LYPLAL1: variants seen among roughly 807,000 people sequenced by gnomAD.
LYPLAL1 encodes lysophospholipase-like protein 1.
In LYPLAL1, 23 loss-of-function variants were observed where a neutral mutation model predicts 19.7. The ratio of observed to expected loss-of-function variants is 1.17; its 90% CI spans 0.84 to 1.65. LYPLAL1 has a LOEUF of 1.65. Ranked by LOEUF, LYPLAL1 falls within the 40% of genes most tolerant of loss-of-function variation. The probability of loss-of-function intolerance (pLI) is 0.00; values close to 1 mark genes in which losing one functional copy is unlikely to be tolerated. For synonymous variants in LYPLAL1, 119 were observed against 96.3 expected, an observed-to-expected ratio of 1.24 and a Z score of -1.38; for missense variants, 355 against 279.4, an observed-to-expected ratio of 1.27 and a Z score of -1.93.
At chr1:219,340,339 C>A in the LYPLAL1 span, among the ~76,000 whole-genome samples, 1 of 151,904 alleles carries the variant, frequency 6.6e-6, no homozygotes, top group South Asian at 2.1e-4. Context: ...TTGATTTAAC[C>A]CCAGGCTCAA....
At chr1:219,323,570 C>T in the LYPLAL1 span, among the ~76,000 whole-genome samples, 1 of 152,170 alleles carries the variant, frequency 6.6e-6, no homozygotes. Flanking sequence ...TGAGCTCTCT[C>T]CTTTGAAGCT....
chr1:219,310,822 G>C, the LYPLAL1 span, among the ~76,000 whole-genome samples: 1 of 152,210 alleles, frequency 6.6e-6, no homozygotes, highest in African/African-American at 2.4e-5. Flanking sequence ...TCCTGAATTA[G>C]CATCTCAGTT....
At chr1:219,355,705 A>G in the LYPLAL1 span, among the ~76,000 whole-genome samples, 1 of 152,244 alleles carries the variant, frequency 6.6e-6, no homozygotes, top group Non-Finnish European at 1.5e-5. Context: ...TCACCAAGAT[A>G]GACCATATGG....
At chr1:219,328,225 C>A in the LYPLAL1 span, among the ~76,000 whole-genome samples, 1 of 152,134 alleles carries the variant, frequency 6.6e-6, no homozygotes, top group South Asian at 2.1e-4. Flanking sequence ...TCTGGGTTGG[C>A]GATACTTCCG....
the LYPLAL1 span, among the ~76,000 whole-genome samples, chr1:219,334,896 C>T: frequency 6.6e-6 from 1 of 151,958 alleles, no homozygotes; most frequent in East Asian, 1.9e-4. Flanking sequence ...GCACAGAAAA[C>T]CTAATAAATG....
chr1:219,423,210 T>A, the LYPLAL1 span, among the ~76,000 whole-genome samples: 1 of 152,156 alleles, frequency 6.6e-6, no homozygotes, highest in Non-Finnish European at 1.5e-5. Flanking sequence ...ACCTTTCTTC[T>A]TCATACAGTG....
the LYPLAL1 span, among the ~76,000 whole-genome samples, chr1:219,390,023 A>G: frequency 6.6e-6 from 1 of 151,576 alleles, no homozygotes; most frequent in South Asian, 2.1e-4. Flanking sequence ...TCATCAGTAA[A>G]TTAGTATTGG....
the LYPLAL1 span, among the ~76,000 whole-genome samples, chr1:219,347,381 G>A: frequency 6.6e-5 from 10 of 152,082 alleles, no homozygotes; most frequent in Non-Finnish European, 1.5e-4. Flanking sequence ...TCATTAAAAA[G>A]TAGTCTTGAT....
the LYPLAL1 span, among the ~76,000 whole-genome samples, chr1:219,343,795 C>G: frequency 6.6e-6 from 1 of 152,144 alleles, no homozygotes; most frequent in Non-Finnish European, 1.5e-5. Flanking sequence ...CTCACCTTCT[C>G]TTTATAGAGC....
the LYPLAL1 span, among the ~76,000 whole-genome samples, chr1:219,387,027 T>C: frequency 6.6e-6 from 1 of 152,220 alleles, no homozygotes; most frequent in Non-Finnish European, 1.5e-5. Context: ...TTTAAATCTT[T>C]GATGACTGTT....
chr1:219,388,465 G>A, the LYPLAL1 span, among the ~76,000 whole-genome samples: 9 of 152,116 alleles, frequency 5.9e-5, no homozygotes, highest in Non-Finnish European at 1.2e-4. Context: ...CACAGGACTA[G>A]TAGAGTCTAA....
At chr1:219,353,433 G>C in the LYPLAL1 span, among the ~76,000 whole-genome samples, 1 of 152,218 alleles carries the variant, frequency 6.6e-6, no homozygotes, top group East Asian at 1.9e-4. Flanking sequence ...CTGTTGGGGA[G>C]CTCAGCCATT....
chr1:219,392,087 G>A, the LYPLAL1 span, among the ~76,000 whole-genome samples: 2 of 152,088 alleles, frequency 1.3e-5, no homozygotes, highest in Admixed American at 1.3e-4. Flanking sequence ...CACAAAAAAA[G>A]CATCTCAGAC....
chr1:219,306,188 T>C, the LYPLAL1 span, among the ~76,000 whole-genome samples: 6 of 152,314 alleles, frequency 3.9e-5, no homozygotes, highest in East Asian at 1.2e-3. Context: ...GGAAAATCTC[T>C]TTGGAAATTG....
At chr1:219,241,134 C>CTATATA in the LYPLAL1 span, among the ~76,000 whole-genome samples, 528 of 44,300 alleles carry the variant, frequency 0.012, 15 homozygotes, top group Admixed American at 0.029. Flanking sequence ...CTCTCTCTCT[C>CTATATA]TATATATATA....
chr1:219,421,586 A>G, the LYPLAL1 span, among the ~76,000 whole-genome samples: 3 of 152,204 alleles, frequency 2.0e-5, no homozygotes, highest in Non-Finnish European at 4.4e-5. Context: ...ATAAAACTCA[A>G]ATTTGAGCAC....
chr1:219,302,473 G>A, the LYPLAL1 span, among the ~76,000 whole-genome samples: 1 of 152,140 alleles, frequency 6.6e-6, no homozygotes, highest in Non-Finnish European at 1.5e-5. Context: ...AGGTGTAGGA[G>A]GAGCACGGTC....
At chr1:219,349,470 T>G in the LYPLAL1 span, among the ~76,000 whole-genome samples, 1 of 152,146 alleles carries the variant, frequency 6.6e-6, no homozygotes, top group Non-Finnish European at 1.5e-5. Context: ...AAGCATAAAA[T>G]AAGGGCATCT....
chr1:219,335,828 A>G, the LYPLAL1 span, among the ~76,000 whole-genome samples: 1 of 151,860 alleles, frequency 6.6e-6, no homozygotes, highest in Non-Finnish European at 1.5e-5. Flanking sequence ...TGAGAGAGAC[A>G]GATACAAACC....
Sources: allele counts gnomAD v4.1 joint callset (sites outside exome capture counted in the v4.1 genomes callset), GRCh38; gene constraint gnomAD v4.1.1; transcripts MANE v1.5; gene names NCBI Gene and HGNC (gene_info 2026-07-23, HGNC 2026-07-21).